Variants in AKAP7 observed in about 807,000 individuals in gnomAD.
The protein encoded by AKAP7 is A-kinase anchoring protein 7.
A neutral mutation model predicts 39.5 loss-of-function variants in AKAP7; 39 were observed. The ratio of observed to expected loss-of-function variants is 0.99; its 90% CI spans 0.76 to 1.29. The LOEUF (loss-of-function observed/expected upper bound fraction) is 1.29. Among genes scored for constraint, AKAP7 ranks in the 50% most tolerant of loss-of-function variants. The pLI is 0.00. For missense variants in AKAP7, 414 were observed against 407.7 expected, an observed-to-expected ratio of 1.02 and a Z score of -0.13; for synonymous variants, 140 against 139.1, an observed-to-expected ratio of 1.01 and a Z score of -0.05.
chr6:131,133,417 A>G (rs898732751), upstream of AKAP7, among the ~76,000 whole-genome samples: 4 of 152,232 alleles, frequency 2.6e-5, no homozygotes, highest in African/African-American at 9.6e-5. Context: ...TGGCACAAGA[A>G]GATGTCCAAG....
chr6:131,260,072 G>GTT (rs1562249970), intron 7 of AKAP7, among the ~76,000 whole-genome samples: 204 of 151,496 alleles, frequency 1.3e-3, no homozygotes, highest in African/African-American at 4.7e-3. Flanking sequence ...TTCTGTTCCT[G>GTT]TGTTAGTTTG....
intron 7 of AKAP7, among the ~76,000 whole-genome samples, chr6:131,220,691 A>G (rs1307157709): frequency 1.3e-5 from 2 of 152,176 alleles, no homozygotes; most frequent in Non-Finnish European, 2.9e-5. Flanking sequence ...GCAACCCTGT[A>G]TCAATTGTCT....
At chr6:131,180,172 T>G (rs1205752214) in intron 5 of AKAP7, among the ~76,000 whole-genome samples, 1 of 152,214 alleles carries the variant, frequency 6.6e-6, no homozygotes, top group Non-Finnish European at 1.5e-5. Context: ...TTGGTGAACC[T>G]ATCTGCTACT....
chr6:131,266,579 A>G (rs1460334773), intron 7 of AKAP7, among the ~76,000 whole-genome samples: 1 of 152,186 alleles, frequency 6.6e-6, no homozygotes, highest in Non-Finnish European at 1.5e-5. Flanking sequence ...TTGTAAATTG[A>G]TAATTGTAGG....
Position 131,195,714 on chromosome 6 carries a change from A to G in AKAP7, c.590-3747A>G, listed in dbSNP as rs1197062115. 3.3e-5 allele frequency among the ~76,000 whole-genome samples: 5 copies of G among 152,138 alleles called. 1 individual carries two copies. ...TTTGAAGGCTATTTTTATCAGATAT[A>G]CTATGCTAGGGTAAAAGATTTTTTT... is the stretch of plus-strand genomic sequence containing the variant. On this transcript the variant is annotated intron_variant, in intron 5 of 7. Coordinates refer to ENST00000431975, the MANE Select transcript of AKAP7 (RefSeq NM_016377.4).
chr6:131,179,887 A>G (rs1804970417), intron 5 of AKAP7, among the ~76,000 whole-genome samples: 1 of 151,228 alleles, frequency 6.6e-6, no homozygotes, highest in Non-Finnish European at 1.5e-5. Context: ...AAATAAATAA[A>G]TAAATAAATA....
intron 7 of AKAP7, among the ~76,000 whole-genome samples, chr6:131,241,498 A>G (rs1001616252): frequency 2.0e-5 from 3 of 150,810 alleles, no homozygotes; most frequent in Admixed American, 6.6e-5. Context: ...TGATGAGTTC[A>G]GTTTTGGGCA....
intron 2 of AKAP7, among the ~76,000 whole-genome samples, chr6:131,146,340 G>A (rs972580499): frequency 1.3e-5 from 2 of 152,180 alleles, no homozygotes; most frequent in Non-Finnish European, 1.5e-5. Context: ...AGATGCGGTG[G>A]CTCATGCCTG....
upstream of AKAP7, among the ~76,000 whole-genome samples, chr6:131,131,900 C>T (rs1276618562): frequency 1.3e-5 from 2 of 152,064 alleles, no homozygotes; most frequent in Non-Finnish European, 1.5e-5. Flanking sequence ...CTAAATGGTG[C>T]TGAGAATGAG....
chr6:131,250,638 C>T (rs763794262), intron 7 of AKAP7: 6 of 1,611,220 alleles, frequency 3.7e-6, no homozygotes, highest in Non-Finnish European at 5.1e-6. Context: ...TTGTACTGTG[C>T]AGAATCCTAA....
At chr6:131,275,833 C>T (rs536155010) in intron 7 of AKAP7, among the ~76,000 whole-genome samples, 4 of 152,298 alleles carry the variant, frequency 2.6e-5, no homozygotes, top group African/African-American at 9.6e-5. Context: ...AATGCGCCAG[C>T]ACTTGCTGTG....
chr6:131,241,369 A>G (rs544072856), intron 7 of AKAP7, among the ~76,000 whole-genome samples: 87 of 152,236 alleles, frequency 5.7e-4, no homozygotes, highest in African/African-American at 1.9e-3. Context: ...TTTGCAAAAC[A>G]GAAGAGAACC....
intron 7 of AKAP7, among the ~76,000 whole-genome samples, chr6:131,235,587 T>C (rs1360161793): frequency 6.6e-6 from 1 of 152,222 alleles, no homozygotes; most frequent in African/African-American, 2.4e-5. Context: ...CCTGACTTTT[T>C]AATGGTCACC....
chr6:131,272,731 G>A (rs1480521976), intron 7 of AKAP7, among the ~76,000 whole-genome samples: 1 of 152,172 alleles, frequency 6.6e-6, no homozygotes, highest in Admixed American at 6.5e-5. Context: ...GATGAGTTCA[G>A]TATTTTTAAC....
chr6:131,163,284 T>C (rs1803168017), intron 3 of AKAP7, among the ~76,000 whole-genome samples: 1 of 152,214 alleles, frequency 6.6e-6, no homozygotes, highest in African/African-American at 2.4e-5. Context: ...GGGGAAGAGA[T>C]GTAGTCAGGC....
At chr6:131,171,337 A>G (rs543976400) in intron 5 of AKAP7, among the ~76,000 whole-genome samples, 17 of 152,306 alleles carry the variant, frequency 1.1e-4, no homozygotes, top group East Asian at 7.7e-4. Context: ...GGAAGATTTC[A>G]TAGGAGAAAT....
intron 7 of AKAP7, among the ~76,000 whole-genome samples, chr6:131,223,901 C>T (rs768782971): frequency 6.6e-6 from 1 of 152,166 alleles, no homozygotes; most frequent in Non-Finnish European, 1.5e-5. Flanking sequence ...ACTGAGATTT[C>T]GCTTTCATTG....
At chr6:131,153,225 A>G (rs1802101746) in intron 2 of AKAP7, among the ~76,000 whole-genome samples, 1 of 152,130 alleles carries the variant, frequency 6.6e-6, no homozygotes. Context: ...AGTGTATTAC[A>G]AGGGTTGGTA....
At chr6:131,175,334 C>G (rs1359240399) in intron 5 of AKAP7, among the ~76,000 whole-genome samples, 2 of 152,076 alleles carry the variant, frequency 1.3e-5, no homozygotes, top group African/African-American at 4.8e-5. Flanking sequence ...ATAAGTGGAC[C>G]TGCTTAGTTC....
Sources: allele counts gnomAD v4.1 joint callset (sites outside exome capture counted in the v4.1 genomes callset), GRCh38; gene constraint gnomAD v4.1.1; transcripts MANE v1.5; gene names NCBI Gene and HGNC (gene_info 2026-07-23, HGNC 2026-07-21).